Variants in PIK3R3 observed in about 807,000 individuals in gnomAD.
The protein encoded by PIK3R3 is phosphatidylinositol 3-kinase regulatory subunit gamma.
In PIK3R3, 64 loss-of-function variants were observed where a neutral mutation model predicts 62.9. That is an observed-to-expected ratio of 1.02 (90% confidence interval 0.83 to 1.25). The LOEUF is 1.25. Among genes scored for constraint, PIK3R3 ranks in the 50% most tolerant of loss-of-function variants. The pLI, the probability that PIK3R3 is intolerant of heterozygous loss-of-function variation, is 0.00. For synonymous variants in PIK3R3, 165 were observed against 189.0 expected, an observed-to-expected ratio of 0.87 and a Z score of 1.04; for missense variants, 614 against 561.6, an observed-to-expected ratio of 1.09 and a Z score of -0.94.
the PIK3R3 span, among the ~76,000 whole-genome samples, chr1:46,154,071 T>C: frequency 6.6e-6 from 1 of 152,214 alleles, no homozygotes; most frequent in African/African-American, 2.4e-5. Context: ...GACAGAAGTT[T>C]GTTTTCTTGT....
At chr1:46,123,958 T>C (rs1053107365) in intron 1 of PIK3R3, among the ~76,000 whole-genome samples, 1 of 152,146 alleles carries the variant, frequency 6.6e-6, no homozygotes, top group African/African-American at 2.4e-5. Flanking sequence ...GACATTTCCA[T>C]AGACTCATGA....
At chr1:46,094,958 G>A (rs536134200) in intron 1 of PIK3R3, among the ~76,000 whole-genome samples, 6 of 152,140 alleles carry the variant, frequency 3.9e-5, no homozygotes, top group Non-Finnish European at 8.8e-5. Context: ...TTTTATCTTT[G>A]GAGACACATA....
At chr1:46,161,935 A>G in the PIK3R3 span, among the ~76,000 whole-genome samples, 1 of 151,790 alleles carries the variant, frequency 6.6e-6, no homozygotes, top group African/African-American at 2.4e-5. Flanking sequence ...TACTAAAAAT[A>G]CAAAAAATTA....
chr1:46,149,030 G>C, the PIK3R3 span, among the ~76,000 whole-genome samples: 1 of 152,088 alleles, frequency 6.6e-6, no homozygotes, highest in African/African-American at 2.4e-5. Context: ...ATGCAGTAAA[G>C]AAGCTGGCCA....
At position 46,046,568 on chromosome 1, in the gene PIK3R3, C is replaced by T; in HGVS notation, c.999G>A (p.Lys333=). The stretch of plus-strand genomic sequence containing the variant: ...GAACTTACTCATCAGCATCCTCATT[C>T]TTAATTCCCAGCCAGACATTCAGGC... The part of the protein sequence containing the change: ...QKRLNVWLGI[K]NEDADENYFI... The change falls in exon 8 of 10, where the codon AAG becomes AAA. Residue 333 remains lysine, a synonymous_variant. Transcript: ENST00000262741. The T allele has an allele frequency of 6.2e-7, 1 of 1,612,854 alleles. No individual in the cohort carries two copies. Among genetic ancestry groups the T allele is most frequent in the Non-Finnish European group, 8.5e-7 (1 of 1,178,808 alleles).
intron 1 of PIK3R3, among the ~76,000 whole-genome samples, chr1:46,101,171 CAAAAAAAAAA>C (rs1171228788): frequency 1.4e-5 from 1 of 73,562 alleles, no homozygotes; most frequent in Admixed American, 1.7e-4. Flanking sequence ...GACTCCGTCT[CAAAAAAAAAA>C]AAAAAAAAAA....
chr1:46,141,456 AG>A, the PIK3R3 span, among the ~76,000 whole-genome samples: 2 of 151,500 alleles, frequency 1.3e-5, no homozygotes, highest in Admixed American at 1.3e-4. Context: ...TTTTTAGTAG[AG>A]ATGGGGTTTC....
the PIK3R3 span, among the ~76,000 whole-genome samples, chr1:46,153,021 C>T: frequency 6.6e-6 from 1 of 152,118 alleles, no homozygotes; most frequent in Non-Finnish European, 1.5e-5. Context: ...TCTCACAATT[C>T]TTAGAGGCTT....
intron 7 of PIK3R3, among the ~76,000 whole-genome samples, chr1:46,053,982 G>C (rs752909959): frequency 4.6e-4 from 70 of 152,120 alleles, no homozygotes; most frequent in Non-Finnish European, 9.7e-4. Context: ...AAGCTCTTCA[G>C]TATGCTATAT....
rs1655657209 is a variant in PIK3R3, at chr1:46,132,056, A to T, written c.-104T>A. On this transcript the variant is annotated 5_prime_UTR_variant, in exon 1 of 10. Coordinates refer to ENST00000262741, the MANE Select transcript of PIK3R3 (RefSeq NM_003629.4). ...TATATCTGCAAAAGTTCCACACGGA[A>T]ATGTACTTCGGGTTTTCCAACGGCC... is the stretch of plus-strand genomic sequence containing the variant. The T allele has an allele frequency of 2.0e-6, 3 of 1,492,230 alleles. No homozygotes were observed. The highest frequency in any genetic ancestry group is 2.7e-6 in the Non-Finnish European group (3 of 1,122,342). The allele number at this position is 1,492,230 out of a possible 1,614,324, so 92.4% of individuals were successfully genotyped here.
chr1:46,042,854 G>A lies in PIK3R3; in HGVS notation c.*819C>T, dbSNP rs1647020778. On this transcript the variant is annotated 3_prime_UTR_variant, in exon 10 of 10. Coordinates refer to ENST00000262741, the MANE Select transcript of PIK3R3 (RefSeq NM_003629.4). This position sits in a 1 kb window ranked among gnomAD's most constrained non-coding sequence, Gnocchi z 4.3. ...TGCTATTCCTCATCTCAGAGAAACA[G>A]GCAGGAAGGACAGAAGGGGTTAGTT... 5.0e-6 allele frequency: 1 copy of A among 198,066 alleles called. No homozygotes were observed. The highest frequency in any genetic ancestry group is 1.9e-4 in the South Asian group (1 of 5,216). The allele number at this position is 198,066 out of a possible 1,614,324, so 12.3% of individuals were successfully genotyped here.
intron 1 of PIK3R3, among the ~76,000 whole-genome samples, chr1:46,094,913 G>T (rs767328356): frequency 6.6e-6 from 1 of 152,208 alleles, no homozygotes; most frequent in African/African-American, 2.4e-5. Context: ...GGTAGTTTTA[G>T]TTGAGTTTCT....
chr1:46,152,447 G>C, the PIK3R3 span, among the ~76,000 whole-genome samples: 1 of 152,000 alleles, frequency 6.6e-6, no homozygotes, highest in Non-Finnish European at 1.5e-5. Context: ...CCAATAACTA[G>C]GCCAACGATT....
At chr1:46,098,965 G>A (rs1652400341) in intron 1 of PIK3R3, among the ~76,000 whole-genome samples, 1 of 152,230 alleles carries the variant, frequency 6.6e-6, no homozygotes, top group South Asian at 2.1e-4. Flanking sequence ...GTCTCCCAGA[G>A]CTGGGATTAT....
rs11337913 is a variant in PIK3R3 at position 46,127,342 on chromosome 1, CAA to C, written c.106+4503_106+4504del. 2.2e-3 allele frequency among the ~76,000 whole-genome samples: 275 copies of C among 127,024 alleles called. 2 individuals are homozygous for C. The highest frequency in any genetic ancestry group is 4.0e-3 in the African/African-American group (137 of 34,648). 83.3% of individuals were successfully genotyped at this position (127,024 alleles called of 152,430 possible). On this transcript the variant is annotated intron_variant, in intron 1 of 9. Transcript: ENST00000262741. ...GAGCAACAAAGGTGAGACCCTGCCTCAAAAAAAAAAAAAAATATATATATATA... is the reference window on the plus strand; with the variant it reads ...GAGCAACAAAGGTGAGACCCTGCCTCAAAAAAAAAAAAATATATATATATA...
chr1:46,094,574 C>A (rs913878200), intron 1 of PIK3R3, among the ~76,000 whole-genome samples: 1 of 152,298 alleles, frequency 6.6e-6, no homozygotes, highest in Non-Finnish European at 1.5e-5. Flanking sequence ...AACAAAATTT[C>A]CCCCCAGCAT....
intron 1 of PIK3R3, among the ~76,000 whole-genome samples, chr1:46,109,417 A>G (rs1036112060): frequency 6.6e-6 from 1 of 151,994 alleles, no homozygotes; most frequent in Non-Finnish European, 1.5e-5. Context: ...TAAATTGTAC[A>G]CTGTTAGCCA....
chr1:46,116,385 G>C (rs995584774), intron 1 of PIK3R3, among the ~76,000 whole-genome samples: 9 of 152,236 alleles, frequency 5.9e-5, no homozygotes, highest in African/African-American at 2.2e-4. Flanking sequence ...AGGCATGGTA[G>C]TGCATACCTG....
At chr1:46,155,746 G>A in the PIK3R3 span, among the ~76,000 whole-genome samples, 8 of 152,228 alleles carry the variant, frequency 5.3e-5, no homozygotes, top group African/African-American at 1.7e-4. Flanking sequence ...ACAGGTGTGA[G>A]CCACCATGCC....
Sources: gnomAD v4.1 joint callset for allele counts (sites outside exome capture counted in the v4.1 genomes callset) on GRCh38, gnomAD v4.1.1 for gene constraint, Gnocchi (gnomAD v3.1) non-coding constraint, MANE v1.5 for transcripts, NCBI Gene and HGNC (gene_info 2026-07-23, HGNC 2026-07-21) for gene names.